Variants in ME3 observed in about 807,000 individuals in gnomAD.
ME3 encodes the protein malic enzyme 3.
A neutral mutation model predicts 68.9 loss-of-function variants in ME3; 48 were observed. That is an observed-to-expected ratio of 0.70 (90% confidence interval 0.55 to 0.89). The LOEUF (loss-of-function observed/expected upper bound fraction) is 0.89, where lower values mean the gene tolerates loss of function less well. ME3 is among the 40% of genes least tolerant of loss of function. The pLI, the probability that ME3 is intolerant of heterozygous loss-of-function variation, is 0.00. For missense variants in ME3, 675 were observed against 797.4 expected (o/e 0.85, Z 1.85); for synonymous variants, 320 against 318.8 (o/e 1.00, Z -0.04).
At chr11:86,615,860 C>T (rs1942921731) in intron 2 of ME3, among the ~76,000 whole-genome samples, 1 of 152,114 alleles carries the variant, frequency 6.6e-6, no homozygotes, top group Non-Finnish European at 1.5e-5. Context: ...ACAAAATATT[C>T]TTGTAGTGAT....
intron 5 of ME3, among the ~76,000 whole-genome samples, chr11:86,501,175 T>TATAATAATAATAATGATA (rs1952698130): frequency 6.8e-6 from 1 of 147,138 alleles, no homozygotes; most frequent in South Asian, 2.1e-4. Context: ...ATAAAATGCA[T>TATAATAATAATAATGATA]ATAATAATAA....
At chr11:86,457,793 T>C (rs1211599543) in intron 8 of ME3, 1 of 1,259,852 alleles carries the variant, frequency 7.9e-7, no homozygotes, top group Non-Finnish European at 1.0e-6. Context: ...AGTTTTTTTT[T>C]CCAGAGGGAG....
intron 5 of ME3, among the ~76,000 whole-genome samples, chr11:86,499,745 G>T (rs760527450): frequency 6.6e-6 from 1 of 152,192 alleles, no homozygotes; most frequent in Non-Finnish European, 1.5e-5. Context: ...TGCCTCTGTG[G>T]AGAGTGCTCA....
chr11:86,611,092 C>T (rs73524069), intron 2 of ME3, among the ~76,000 whole-genome samples: 94 of 152,078 alleles, frequency 6.2e-4, no homozygotes, highest in African/African-American at 2.2e-3. Context: ...TTGCCATTTG[C>T]CAAAACATGG....
At chr11:86,480,215 A>G (rs376582852) in intron 7 of ME3, among the ~76,000 whole-genome samples, 10 of 152,240 alleles carry the variant, frequency 6.6e-5, no homozygotes, top group East Asian at 3.8e-4. Context: ...ATGCATGATC[A>G]GATACATGCT....
At chr11:86,616,357 A>G (rs948151204) in intron 2 of ME3, among the ~76,000 whole-genome samples, 5 of 152,234 alleles carry the variant, frequency 3.3e-5, no homozygotes, top group Non-Finnish European at 7.3e-5. Flanking sequence ...TTCACCTGAA[A>G]CATCACTTTA....
Position 86,515,873 on chromosome 11 carries a change from G to A in ME3, c.468-7006C>T, listed in dbSNP as rs1050695456. Reference sequence around the variant, plus strand: ...TGCTCTGAGGCACAATGGGAGGCAGGAAGGTGGGAAAACACAGGAAGCCGC... The same window carrying A: ...TGCTCTGAGGCACAATGGGAGGCAGAAAGGTGGGAAAACACAGGAAGCCGC... On this transcript the variant is annotated intron_variant, in intron 4 of 14. Transcript: ENST00000543262. Among the ~76,000 whole-genome samples the A allele has an allele frequency of 5.3e-5, 8 of 152,194 alleles. No individual in the cohort carries two copies. In the East Asian group the frequency reaches 1.5e-3, roughly 29 times the overall value.
intron 7 of ME3, among the ~76,000 whole-genome samples, chr11:86,477,660 C>T (rs1035534610): frequency 6.6e-6 from 1 of 152,088 alleles, no homozygotes; most frequent in Admixed American, 6.5e-5. Flanking sequence ...AGGAAATAGC[C>T]AGCTAGTGTC....
intron 5 of ME3, among the ~76,000 whole-genome samples, chr11:86,508,166 A>G (rs1565876555): frequency 6.6e-6 from 1 of 152,002 alleles, no homozygotes; most frequent in Non-Finnish European, 1.5e-5. Context: ...GGGTACACAT[A>G]CCCAAGTGTG....
At chr11:86,584,423 T>A (rs1958619504) in intron 2 of ME3, among the ~76,000 whole-genome samples, 1 of 152,134 alleles carries the variant, frequency 6.6e-6, no homozygotes, top group African/African-American at 2.4e-5. Context: ...CTTGAAAATT[T>A]AAAAATGGAA....
At chr11:86,449,779 T>G in intron 10 of ME3, 110 bp downstream of exon 10, 1 of 750,194 alleles carries the variant, frequency 1.3e-6, no homozygotes, top group Non-Finnish European at 2.2e-6. Flanking sequence ...ATTGCCCTCA[T>G]TTTGCTCTCT....
chr11:86,538,582 T>G (rs953779451), intron 4 of ME3, among the ~76,000 whole-genome samples: 2 of 152,116 alleles, frequency 1.3e-5, no homozygotes, highest in African/African-American at 2.4e-5. Flanking sequence ...CAGCTCACCC[T>G]CACATACCAC....
At chr11:86,623,266 TCTC>T (rs1257975813) in intron 2 of ME3, among the ~76,000 whole-genome samples, 1 of 152,126 alleles carries the variant, frequency 6.6e-6, no homozygotes, top group Non-Finnish European at 1.5e-5. Context: ...ACATCCATCT[TCTC>T]CTGCCCTTGG....
intron 4 of ME3, among the ~76,000 whole-genome samples, chr11:86,528,411 A>AGTT (rs1954935623): frequency 6.6e-6 from 1 of 152,200 alleles, no homozygotes; most frequent in African/African-American, 2.4e-5. Context: ...ATAATGGGAG[A>AGTT]GTTTAGCATC....
chr11:86,610,661 G>A (rs113726598), intron 2 of ME3, among the ~76,000 whole-genome samples: 177 of 151,350 alleles, frequency 1.2e-3, no homozygotes, highest in Non-Finnish European at 2.1e-3. Context: ...TTTGGGCTGT[G>A]GGGTTGGGGG....
At chr11:86,663,344 T>A (rs1408226340) in intron 2 of ME3, among the ~76,000 whole-genome samples, 2 of 152,180 alleles carry the variant, frequency 1.3e-5, no homozygotes, top group Non-Finnish European at 2.9e-5. Context: ...TACTGTGTCC[T>A]TTTGGTAGGA....
intron 2 of ME3, among the ~76,000 whole-genome samples, chr11:86,634,278 T>A (rs1410710719): frequency 6.6e-6 from 1 of 152,206 alleles, no homozygotes; most frequent in Non-Finnish European, 1.5e-5. Flanking sequence ...GAGCTTGGGT[T>A]CATGTCTCTA....
At chr11:86,448,775 C>T (rs999085261) in intron 10 of ME3, among the ~76,000 whole-genome samples, 2 of 152,212 alleles carry the variant, frequency 1.3e-5, no homozygotes, top group African/African-American at 4.8e-5. Flanking sequence ...CCTTACATTT[C>T]TTCAAATGGA....
At chr11:86,516,129 C>A (rs546026640) in intron 4 of ME3, among the ~76,000 whole-genome samples, 1 of 152,220 alleles carries the variant, frequency 6.6e-6, no homozygotes, top group Non-Finnish European at 1.5e-5. Context: ...TTTTAATAGC[C>A]ATTAACTGGA....
Sources: gnomAD v4.1 joint callset for allele counts (sites outside exome capture counted in the v4.1 genomes callset) on GRCh38, gnomAD v4.1.1 for gene constraint, MANE v1.5 for transcripts, NCBI Gene and HGNC (gene_info 2026-07-23, HGNC 2026-07-21) for gene names.